The following MSH3 variants were observed in gnomAD, a reference collection of about 807,000 sequenced individuals.
The protein encoded by MSH3 is mutS homolog 3, also known as DNA mismatch repair protein Msh3.
A neutral mutation model predicts 123.3 loss-of-function variants in MSH3; 106 were observed. That is an observed-to-expected ratio of 0.86 (90% CI 0.73 to 1.01). The LOEUF is 1.01. Ranked by LOEUF, MSH3 falls within the 50% of genes least tolerant of loss-of-function variation. MSH3 has a pLI of 0.00. For synonymous variants in MSH3, 515 were observed against 481.4 expected (o/e 1.07, Z -0.91); for missense variants, 1,459 against 1,347.6 (o/e 1.08, Z -1.29).
chr5:80,692,376 TTAGA>T (rs766199210), intron 8 of MSH3, among the ~76,000 whole-genome samples: 1 of 11,300 alleles, frequency 8.8e-5, no homozygotes, highest in African/African-American at 6.9e-4. Context: ...ATGTATATGT[TTAGA>T]TAGATAAACA....
At chr5:80,780,981 G>T (rs1293084923) in intron 17 of MSH3, among the ~76,000 whole-genome samples, 1 of 152,124 alleles carries the variant, frequency 6.6e-6, no homozygotes, top group Non-Finnish European at 1.5e-5. Flanking sequence ...AAAAAGATAT[G>T]TGAGAATTTT....
chr5:80,834,873 A>G (rs1745482594), intron 20 of MSH3, among the ~76,000 whole-genome samples: 1 of 152,124 alleles, frequency 6.6e-6, no homozygotes, highest in Non-Finnish European at 1.5e-5. Context: ...GGGTGACTCA[A>G]AAAACTCCAG....
chr5:80,698,759 A>G (rs1313591699), intron 8 of MSH3, among the ~76,000 whole-genome samples: 1 of 148,950 alleles, frequency 6.7e-6, no homozygotes, highest in Non-Finnish European at 1.5e-5. Context: ...CAATGAGAAC[A>G]CTTGGACACA....
chr5:80,848,789 GAC>G (rs1321442001), intron 20 of MSH3, among the ~76,000 whole-genome samples: 1 of 152,060 alleles, frequency 6.6e-6, no homozygotes, highest in Non-Finnish European at 1.5e-5. Flanking sequence ...TTTGTGTGGG[GAC>G]ACAGAGTCAA....
Position 80,729,460 on chromosome 5 carries a change from G to GTATATA in MSH3, c.1568+510_1568+515dup, listed in dbSNP as rs376372477. ...TGTGTGTGTGTGTGTGTGTGTGTGTGTATATATATATATATATATAAAGAA... is the reference window on the plus strand; with the variant it reads ...TGTGTGTGTGTGTGTGTGTGTGTGTGTATATATATATATATATATATATATAAAGAA... On this transcript the variant is annotated intron_variant, in intron 10 of 23. Coordinates refer to ENST00000265081, the MANE Select transcript of MSH3 (RefSeq NM_002439.5). 3.5e-4 allele frequency among the ~76,000 whole-genome samples: 33 copies of GTATATA among 95,028 alleles called. 1 individual carries two copies. The highest frequency in any genetic ancestry group is 1.2e-3 in the South Asian group (3 of 2,452). The allele number at this position is 95,028 out of a possible 152,430, so 62.3% of individuals were successfully genotyped here.
chr5:80,681,358 TAGAAATGGTAATATG>T (rs1039075176), intron 8 of MSH3, among the ~76,000 whole-genome samples: 37 of 152,126 alleles, frequency 2.4e-4, no homozygotes, highest in African/African-American at 8.7e-4. Flanking sequence ...ATTTCCTTGC[TAGAAATGGTAATATG>T]AGAAATGGTG....
At chr5:80,725,925 C>T (rs1181016807) in intron 9 of MSH3, among the ~76,000 whole-genome samples, 1 of 152,172 alleles carries the variant, frequency 6.6e-6, no homozygotes, top group African/African-American at 2.4e-5. Flanking sequence ...TTGACATATT[C>T]ATCAGAGTGG....
chr5:80,828,040 A>G (rs1180738246), intron 20 of MSH3, among the ~76,000 whole-genome samples: 1 of 152,064 alleles, frequency 6.6e-6, no homozygotes, highest in East Asian at 1.9e-4. Context: ...CTTTCTTACA[A>G]TTGATGAACC....
chr5:80,718,830 C>G (rs1208735522), intron 8 of MSH3, among the ~76,000 whole-genome samples: 1 of 152,094 alleles, frequency 6.6e-6, no homozygotes, highest in Non-Finnish European at 1.5e-5. Context: ...GGCTTCATTG[C>G]AGTTGTTATT....
chr5:80,731,946 G>A (rs184318699), intron 10 of MSH3, among the ~76,000 whole-genome samples: 9 of 152,222 alleles, frequency 5.9e-5, no homozygotes, highest in African/African-American at 1.7e-4. Flanking sequence ...TTTCACAAAC[G>A]TTGCTGCATA....
At chr5:80,737,050 T>C (rs1743521846) in intron 10 of MSH3, among the ~76,000 whole-genome samples, 1 of 152,214 alleles carries the variant, frequency 6.6e-6, no homozygotes, top group African/African-American at 2.4e-5. Context: ...AATGGGCTTA[T>C]TGGCAGGATT....
intron 20 of MSH3, among the ~76,000 whole-genome samples, chr5:80,836,622 G>A (rs1200619358): frequency 6.7e-6 from 1 of 148,166 alleles, no homozygotes; most frequent in Admixed American, 6.7e-5. Flanking sequence ...GGACCCCCCA[G>A]TATGAAAATC....
chr5:80,835,678 C>T (rs1034423768), intron 20 of MSH3, among the ~76,000 whole-genome samples: 8 of 151,762 alleles, frequency 5.3e-5, no homozygotes, highest in Admixed American at 3.9e-4. Flanking sequence ...ACTTTGGGAG[C>T]CTGAGGTGGG....
chr5:80,728,964 G>A lies in MSH3; in HGVS notation c.1567G>A (p.Glu523Lys), dbSNP rs34058399. 1.4e-3 allele frequency: 2,131 copies of A among 1,536,188 alleles called. 25 individuals are homozygous for A. In the African/African-American group the frequency reaches 0.025, roughly 18 times the overall value. ...FNLEKMLSKP[E>K]NFKQLSSKME... ...CTTGGAAAAGATGCTCTCCAAACCT[G>A]AGTAAGTGATTCCTCCAAAATTAAA... The change falls in exon 10 of 24, where the codon GAG (glutamate) becomes AAG (lysine). Residue 523 changes from glutamate to lysine, a missense_variant and splice_region_variant. Glu to Lys is a moderately conservative substitution (Grantham distance 56, BLOSUM62 1). Coordinates refer to ENST00000265081, the MANE Select transcript of MSH3 (RefSeq NM_002439.5).
chr5:80,854,077 T>G (rs1745875314), intron 20 of MSH3, 53 bp from the exon 21 acceptor site: 1 of 1,413,570 alleles, frequency 7.1e-7, no homozygotes, highest in Non-Finnish European at 1.0e-6. Context: ...AATGTTCGGC[T>G]TCCTAATAAG....
At chr5:80,853,317 C>CA (rs1244775723) in intron 20 of MSH3, among the ~76,000 whole-genome samples, 2 of 151,952 alleles carry the variant, frequency 1.3e-5, no homozygotes, top group Admixed American at 1.3e-4. Flanking sequence ...ACTAAAAATA[C>CA]AAAAAATGTT....
At chr5:80,825,082 C>T (rs1745270435) in intron 20 of MSH3, among the ~76,000 whole-genome samples, 1 of 152,188 alleles carries the variant, frequency 6.6e-6, no homozygotes, top group Non-Finnish European at 1.5e-5. Flanking sequence ...ATATTACGCC[C>T]TTGTAGCTTT....
At chr5:80,797,168 C>G (rs1303431957) in intron 19 of MSH3, among the ~76,000 whole-genome samples, 1 of 152,118 alleles carries the variant, frequency 6.6e-6, no homozygotes, top group Non-Finnish European at 1.5e-5. Context: ...CTTTGCCCAG[C>G]TGGGATGGGT....
intron 8 of MSH3, among the ~76,000 whole-genome samples, chr5:80,721,156 T>C (rs1396419321): frequency 6.6e-6 from 1 of 152,218 alleles, no homozygotes; most frequent in Non-Finnish European, 1.5e-5. Flanking sequence ...TCACAAAATA[T>C]GATTTTTTGA....
Sources: allele counts gnomAD v4.1 joint callset (sites outside exome capture counted in the v4.1 genomes callset), GRCh38; gene constraint gnomAD v4.1.1; transcripts MANE v1.5; gene names NCBI Gene and HGNC (gene_info 2026-07-23, HGNC 2026-07-21).